The following MAVS variants were observed in gnomAD, a reference collection of about 807,000 sequenced individuals.
MAVS encodes mitochondrial antiviral signaling protein, also known as mitochondrial antiviral-signaling protein.
Under a neutral mutation model 30.2 loss-of-function variants are expected in MAVS, and 20 were observed. That is an observed-to-expected ratio of 0.66 (90% CI 0.47 to 0.96). MAVS has a LOEUF of 0.96. Among genes scored for constraint, MAVS ranks in the 40% least tolerant of loss-of-function variants. The pLI is 0.00. For missense variants in MAVS, 624 were observed against 701.1 expected (o/e 0.89, Z 1.24); for synonymous variants, 278 against 293.9 (o/e 0.95, Z 0.55).
Position 3,865,977 on chromosome 20 carries a change from C to G in MAVS, c.1453C>G (p.Pro485Ala). 3 of 1,613,382 alleles carry G rather than the reference C, an allele frequency of 1.9e-6. No homozygotes were observed. The highest frequency in any genetic ancestry group is 2.5e-6 in the Non-Finnish European group (3 of 1,180,010). ...CCAGCTCCTGGAGGGCAACCCTGGG[C>G]CACCTGCGGACCCGGATGGCGGCCC... is the stretch of plus-strand genomic sequence containing the variant. ...SIQLLEGNPG[P>A]PADPDGGPRP... Residue 485 changes from proline (P) to alanine (A), a missense_variant, in exon 7 of 7, where the codon CCA becomes GCA. Physicochemically the swap from Pro to Ala is conservative, Grantham distance 27. Transcript: ENST00000428216. This position sits in a 1 kb window ranked among gnomAD's most constrained non-coding sequence, Gnocchi z 4.7.
chr20:3,848,374 C>T (rs1211653333), intron 1 of MAVS, among the ~76,000 whole-genome samples: 1 of 152,190 alleles, frequency 6.6e-6, no homozygotes, highest in Non-Finnish European at 1.5e-5. Flanking sequence ...GCTGGGATTC[C>T]AGGCGTGAGC....
chr20:3,864,236 T>C lies in MAVS; in HGVS notation c.626-20T>C. 6.3e-6 allele frequency: 10 copies of C among 1,588,374 alleles called. No individual in the cohort carries two copies. The highest frequency in any genetic ancestry group is 7.7e-6 in the Non-Finnish European group (9 of 1,167,160). On this transcript the variant is annotated intron_variant, in intron 5 of 6. Transcript: ENST00000428216. ...ATGGTCTTTGGGTCTGTGTTTCCAC[T>C]TGTGTTTTTCCACCGGCAGGTGCGA... is the stretch of plus-strand genomic sequence containing the variant.
rs1359308286 is a variant in MAVS, at chr20:3,862,236, T to C, written c.466-18T>C. The C allele has an allele frequency of 1.9e-6, 3 of 1,611,136 alleles. No individual in the cohort carries two copies. Among genetic ancestry groups the C allele is most frequent in the Non-Finnish European group, 2.5e-6 (3 of 1,178,738 alleles). ...TTGGGAGAGGCAACTGCCTTATTCATATTTTCCCTCATTGCAGAATTCAGA... is the reference window on the plus strand; with the variant it reads ...TTGGGAGAGGCAACTGCCTTATTCACATTTTCCCTCATTGCAGAATTCAGA... On this transcript the variant is annotated intron_variant, in intron 4 of 6. Coordinates refer to ENST00000428216, the MANE Select transcript of MAVS (RefSeq NM_020746.5).
In MAVS at chr20:3,874,620, T is replaced by G. The variant is rs1030914464; in HGVS notation, c.*8473T>G. 1 of 162,506 alleles carries G rather than the reference T, an allele frequency of 6.2e-6. No individual in the cohort carries two copies. Among genetic ancestry groups the G allele is most frequent in the Non-Finnish European group, 1.3e-5 (1 of 75,292 alleles). 10.1% of individuals were successfully genotyped at this position (162,506 alleles called of 1,614,324 possible). On this transcript the variant is annotated 3_prime_UTR_variant, in exon 7 of 7. Transcript: ENST00000428216. ...GGGGGTATATTTGGCTTTCTCTGGTTGGTCTGGAGTTGGAAGAGGGGGTGT... is the reference window on the plus strand; with the variant it reads ...GGGGGTATATTTGGCTTTCTCTGGTGGGTCTGGAGTTGGAAGAGGGGGTGT...
At chr20:3,849,964 C>A (rs2089743467) in intron 1 of MAVS, among the ~76,000 whole-genome samples, 1 of 152,132 alleles carries the variant, frequency 6.6e-6, no homozygotes, top group African/African-American at 2.4e-5. Context: ...GCAGCAATTG[C>A]TTATATTTGA....
chr20:3,862,428 T>A lies in MAVS; in HGVS notation c.625+15T>A. The stretch of plus-strand genomic sequence containing the variant: ...CCACACAGCAGGTATGCATGGAATC[T>A]GGAATTATAGGGTCCTTCTGATCTC... On this transcript the variant is annotated intron_variant, in intron 5 of 6. Coordinates refer to ENST00000428216, the MANE Select transcript of MAVS (RefSeq NM_020746.5). The A allele has an allele frequency of 6.2e-7, 1 of 1,606,984 alleles. No homozygotes were observed. The highest frequency in any genetic ancestry group is 1.3e-5 in the African/African-American group (1 of 74,710).
At chr20:3,858,731 G>A (rs2089835480) in intron 3 of MAVS, among the ~76,000 whole-genome samples, 1 of 149,602 alleles carries the variant, frequency 6.7e-6, no homozygotes, top group Non-Finnish European at 1.5e-5. Context: ...CAAACTAGAG[G>A]TAACCCCCGA....
At chr20:3,862,437 A>C (rs1182639144) in intron 5 of MAVS, 24 bp downstream of exon 5, 8 of 1,602,322 alleles carry the variant, frequency 5.0e-6, no homozygotes, top group Non-Finnish European at 6.8e-6. Context: ...CTGGAATTAT[A>C]GGGTCCTTCT....
intron 2 of MAVS, 150 bp from the exon 3 acceptor site, chr20:3,857,484 TG>T: frequency 1.2e-6 from 1 of 822,502 alleles, no homozygotes; most frequent in Non-Finnish European, 1.9e-6. Flanking sequence ...ACTCCATACC[TG>T]GCCCTGTCCT....
At chr20:3,861,755 G>GTC (rs1357769778) in intron 4 of MAVS, among the ~76,000 whole-genome samples, 1 of 151,878 alleles carries the variant, frequency 6.6e-6, no homozygotes, top group African/African-American at 2.4e-5. Context: ...GTGTGTGTGT[G>GTC]TGTGTGTGTG....
At chr20:3,859,064 A>G (rs73572376) in intron 3 of MAVS, among the ~76,000 whole-genome samples, 20,376 of 151,924 alleles carry the variant, frequency 0.13, 2,855 homozygotes, top group East Asian at 0.4. Context: ...TGCTGGGATC[A>G]TAGGTGTGAG....
At chr20:3,854,780 G>A in intron 2 of MAVS, 39 bp downstream of exon 2, 3 of 1,454,790 alleles carry the variant, frequency 2.1e-6, no homozygotes, top group Non-Finnish European at 2.9e-6. Context: ...TGGCCTGGGG[G>A]CAGGGCTGTG....
At chr20:3,858,997 A>G (rs2089837879) in intron 3 of MAVS, among the ~76,000 whole-genome samples, 1 of 151,918 alleles carries the variant, frequency 6.6e-6, no homozygotes, top group Non-Finnish European at 1.5e-5. Flanking sequence ...ATGACATCTC[A>G]CTATGTTGCC....
intron 1 of MAVS, among the ~76,000 whole-genome samples, chr20:3,853,177 T>A (rs1035070374): frequency 7.2e-6 from 1 of 138,958 alleles, no homozygotes; most frequent in Non-Finnish European, 1.6e-5. Flanking sequence ...AGTAATAAAA[T>A]AGGATGTTTA....
chr20:3,875,149 C>G lies in MAVS; in HGVS notation c.*9002C>G, dbSNP rs2089981885. On this transcript the variant is annotated 3_prime_UTR_variant, in exon 7 of 7. Coordinates refer to ENST00000428216, the MANE Select transcript of MAVS (RefSeq NM_020746.5). ...AAACCTAGAGCTGGGCATGATGGCC[C>G]CAGCCTGTAATCCCAGTGATTCAGG... is the stretch of plus-strand genomic sequence containing the variant. 6.6e-6 allele frequency: 1 copy of G among 152,222 alleles called. No individual in the cohort carries two copies. The highest frequency in any genetic ancestry group is 2.4e-5 in the African/African-American group (1 of 41,442). 9.4% of individuals were successfully genotyped at this position (152,222 alleles called of 1,614,324 possible). A position where few individuals can be genotyped will look rare whatever the true frequency, so the allele number is the denominator to read the frequency against.
chr20:3,866,742 G>A lies in MAVS; in HGVS notation c.*595G>A, dbSNP rs2089912015. On this transcript the variant is annotated 3_prime_UTR_variant, in exon 7 of 7. Transcript: ENST00000428216. Reference sequence around the variant, plus strand: ...CTGGGCAATCCTGGGAAGGTCTGGAGGTTCCTGTGGACCTCAGGGAAGCCA... The same window carrying A: ...CTGGGCAATCCTGGGAAGGTCTGGAAGTTCCTGTGGACCTCAGGGAAGCCA... The A allele has an allele frequency of 5.3e-6, 2 of 375,240 alleles. No individual in the cohort carries two copies. The highest frequency in any genetic ancestry group is 1.1e-5 in the Non-Finnish European group (2 of 190,312). 23.2% of individuals were successfully genotyped at this position (375,240 alleles called of 1,614,324 possible). A position where few individuals can be genotyped will look rare whatever the true frequency, so the allele number is the denominator to read the frequency against.
intron 1 of MAVS, among the ~76,000 whole-genome samples, chr20:3,853,454 C>G (rs1056756695): frequency 6.7e-6 from 1 of 150,338 alleles, no homozygotes; most frequent in Non-Finnish European, 1.5e-5. Context: ...CCACCGCACT[C>G]CAGCCTGGGC....
chr20:3,854,546 G>A lies in MAVS; in HGVS notation c.-67-12G>A, dbSNP rs1307251085. The A allele has an allele frequency of 3.1e-6, 3 of 967,384 alleles. No homozygotes were observed. The highest frequency in any genetic ancestry group is 4.8e-6 in the Non-Finnish European group (3 of 624,502). The allele number at this position is 967,384 out of a possible 1,614,324, so 59.9% of individuals were successfully genotyped here. A position where few individuals can be genotyped will look rare whatever the true frequency, so the allele number is the denominator to read the frequency against. On this transcript the variant is annotated splice_polypyrimidine_tract_variant and intron_variant, in intron 1 of 6. Transcript: ENST00000428216. ...CCAACCCTGTTGTAATGTGTGATCT[G>A]TTTTCTTCCAGTCTCGTTTCCTCTC...
At position 3,875,489 on chromosome 20, in the gene MAVS, A is replaced by C. The variant is rs1600463488; in HGVS notation, c.*9342A>C. ...CTGTTTTTATTTAAAAAAAAAAAAA[A>C]CCAGCCAAAACCACAACTTTTTACT... On this transcript the variant is annotated 3_prime_UTR_variant, in exon 7 of 7. Coordinates refer to ENST00000428216, the MANE Select transcript of MAVS (RefSeq NM_020746.5). 6.6e-6 allele frequency: 1 copy of C among 150,932 alleles called. No homozygotes were observed. Among genetic ancestry groups the C allele is most frequent in the African/African-American group, 2.4e-5 (1 of 41,020 alleles). 9.3% of individuals were successfully genotyped at this position (150,932 alleles called of 1,614,324 possible). A position where few individuals can be genotyped will look rare whatever the true frequency, so the allele number is the denominator to read the frequency against.
Sources: allele counts gnomAD v4.1 joint callset (sites outside exome capture counted in the v4.1 genomes callset), GRCh38; gene constraint gnomAD v4.1.1; non-coding constraint Gnocchi (gnomAD v3.1); transcripts MANE v1.5; gene names NCBI Gene and HGNC (gene_info 2026-07-23, HGNC 2026-07-21).